EPB41L2: variants seen among roughly 807,000 people sequenced by gnomAD.
The protein encoded by EPB41L2 is erythrocyte membrane protein band 4.1 like 2.
In EPB41L2, 43 loss-of-function variants were observed where a neutral mutation model predicts 113.0. The observed-to-expected ratio is 0.38, with a 90% CI of 0.30 to 0.49. EPB41L2 has a LOEUF of 0.49. EPB41L2 is among the 20% of genes least tolerant of loss of function. The pLI is 0.95. For missense variants in EPB41L2, 1,147 were observed against 1,223.4 expected (o/e 0.94, Z 0.93); for synonymous variants, 442 against 436.7 (o/e 1.01, Z -0.15).
intron 14 of EPB41L2, chr6:130,872,415 G>A (rs1786042821): frequency 7.8e-7 from 1 of 1,289,250 alleles, no homozygotes; most frequent in Non-Finnish European, 1.0e-6. Flanking sequence ...TTTTCAGAAG[G>A]TGCATTAGCG....
At chr6:130,910,895 G>A (rs1014150415) in intron 4 of EPB41L2, among the ~76,000 whole-genome samples, 6 of 152,166 alleles carry the variant, frequency 3.9e-5, no homozygotes, top group Non-Finnish European at 7.3e-5. Flanking sequence ...GAGAGGATGT[G>A]GAGAAACAGG....
chr6:130,944,447 G>A (rs2128594142), intron 3 of EPB41L2, among the ~76,000 whole-genome samples: 1 of 152,190 alleles, frequency 6.6e-6, no homozygotes, highest in African/African-American at 2.4e-5. Flanking sequence ...TAATAAACCA[G>A]GTGAAGAAAC....
At chr6:130,928,419 G>A (rs1805538841) in intron 3 of EPB41L2, among the ~76,000 whole-genome samples, 1 of 152,188 alleles carries the variant, frequency 6.6e-6, no homozygotes, top group South Asian at 2.1e-4. Context: ...CACAGGAGGT[G>A]CGGTGAGTAC....
chr6:131,050,196 G>C (rs1388532017), intron 1 of EPB41L2, among the ~76,000 whole-genome samples: 1 of 152,038 alleles, frequency 6.6e-6, no homozygotes, highest in African/African-American at 2.4e-5. Context: ...AAAATTAGCT[G>C]GGCGTGGTGG....
intron 3 of EPB41L2, among the ~76,000 whole-genome samples, chr6:130,942,420 A>T (rs1811175838): frequency 6.6e-6 from 1 of 152,238 alleles, no homozygotes; most frequent in Non-Finnish European, 1.5e-5. Flanking sequence ...TCAGAAGAAC[A>T]GGAAGCAATA....
At chr6:130,924,357 GA>G (rs1358213030) in intron 4 of EPB41L2, among the ~76,000 whole-genome samples, 4 of 151,418 alleles carry the variant, frequency 2.6e-5, no homozygotes, top group Non-Finnish European at 5.9e-5. Flanking sequence ...TATATACTCA[GA>G]AGTGGGACTG....
intron 3 of EPB41L2, among the ~76,000 whole-genome samples, chr6:130,948,657 C>G (rs1040220599): frequency 6.6e-6 from 1 of 151,960 alleles, no homozygotes; most frequent in African/African-American, 2.4e-5. Flanking sequence ...AAAAAGTCAT[C>G]TCAAAGACAT....
chr6:131,002,570 T>C (rs934757986), intron 1 of EPB41L2, among the ~76,000 whole-genome samples: 3 of 151,304 alleles, frequency 2.0e-5, no homozygotes, highest in Non-Finnish European at 4.4e-5. Context: ...ATGAAGTGAA[T>C]ACATTCCAGA....
At chr6:130,940,993 T>C (rs2128586072) in intron 3 of EPB41L2, among the ~76,000 whole-genome samples, 1 of 152,278 alleles carries the variant, frequency 6.6e-6, no homozygotes, top group South Asian at 2.1e-4. Context: ...TCTCTGAAAG[T>C]AAAATTCATA....
chr6:130,999,603 G>T (rs1458971143), intron 1 of EPB41L2, among the ~76,000 whole-genome samples: 1 of 152,096 alleles, frequency 6.6e-6, no homozygotes, highest in Non-Finnish European at 1.5e-5. Context: ...CTGCATGATT[G>T]CTTCTCATGG....
At position 130,899,485 on chromosome 6, in the gene EPB41L2, C is replaced by CAGT. The variant is rs1562432830; in HGVS notation, c.1236+3_1236+5dup. 2.5e-6 allele frequency: 4 copies of CAGT among 1,612,068 alleles called. No homozygotes were observed. Among genetic ancestry groups the CAGT allele is most frequent in the Non-Finnish European group, 3.4e-6 (4 of 1,178,196 alleles). On this transcript the variant is annotated splice_donor_region_variant and intron_variant, in intron 8 of 19. Coordinates refer to ENST00000337057, the MANE Select transcript of EPB41L2 (RefSeq NM_001431.4). ...ATGATGCTACTCCCCGTTACATTTA[C>CAGT]AGTACCTTGGCATGATGTAGGTCAA...
chr6:130,848,178 CTCTG>C (rs1347871846), intron 19 of EPB41L2, among the ~76,000 whole-genome samples: 105 of 132,026 alleles, frequency 8.0e-4, no homozygotes, highest in African/African-American at 2.9e-3. Flanking sequence ...CTCTGTCTCT[CTCTG>C]TCTCTCTCTC....
chr6:130,965,347 T>C (rs917163226), intron 1 of EPB41L2, among the ~76,000 whole-genome samples: 10 of 152,210 alleles, frequency 6.6e-5, no homozygotes, highest in African/African-American at 2.4e-4. Context: ...TTTCTTGTTA[T>C]CTCTTCAGGA....
chr6:131,049,176 G>A (rs1024071953), intron 1 of EPB41L2, among the ~76,000 whole-genome samples: 9 of 152,236 alleles, frequency 5.9e-5, no homozygotes, highest in Admixed American at 2.0e-4. Context: ...TCCTGTTTTC[G>A]GGCAGAGGGA....
At chr6:130,860,131 A>G (rs77155753) in intron 18 of EPB41L2, among the ~76,000 whole-genome samples, 6,493 of 152,334 alleles carry the variant, frequency 0.043, 216 homozygotes, top group African/African-American at 0.092. Flanking sequence ...GATCCAAGCC[A>G]TTTACTACAT....
chr6:130,928,122 A>T (rs1353364590), intron 3 of EPB41L2, among the ~76,000 whole-genome samples: 1 of 152,222 alleles, frequency 6.6e-6, no homozygotes, highest in Non-Finnish European at 1.5e-5. Flanking sequence ...TAAAAAATTT[A>T]AAAATAAAAC....
At chr6:130,863,613 C>T (rs1782829129) in intron 18 of EPB41L2, 25 bp downstream of exon 18, 2 of 1,551,768 alleles carry the variant, frequency 1.3e-6, no homozygotes, top group Non-Finnish European at 1.8e-6. Context: ...GGGCCATTTC[C>T]AAAACTAGAA....
chr6:130,861,036 T>A (rs768593214), intron 18 of EPB41L2, among the ~76,000 whole-genome samples: 4 of 152,146 alleles, frequency 2.6e-5, no homozygotes, highest in African/African-American at 4.8e-5. Context: ...TCTGGCCCAG[T>A]GAAAGTGTCC....
intron 1 of EPB41L2, among the ~76,000 whole-genome samples, chr6:131,050,332 C>CT (rs1475180905): frequency 6.6e-6 from 1 of 152,094 alleles, no homozygotes; most frequent in African/African-American, 2.4e-5. Context: ...GAGCGAGACT[C>CT]TGTCTCCAAA....
Sources: allele counts gnomAD v4.1 joint callset (sites outside exome capture counted in the v4.1 genomes callset), GRCh38; gene constraint gnomAD v4.1.1; transcripts MANE v1.5; gene names NCBI Gene and HGNC (gene_info 2026-07-23, HGNC 2026-07-21).